Variants in POU6F2 observed in about 807,000 individuals in gnomAD.
The protein encoded by POU6F2 is POU domain, class 6, transcription factor 2.
POU6F2 carries 31 observed loss-of-function variants against 71.3 expected under a neutral mutation model. The observed-to-expected ratio is 0.43, with a 90% CI of 0.33 to 0.59. POU6F2 has a LOEUF of 0.59. Among genes scored for constraint, POU6F2 ranks in the 20% least tolerant of loss-of-function variants. The pLI, the probability that POU6F2 is intolerant of heterozygous loss-of-function variation, is 0.04. For missense variants in POU6F2, 783 were observed against 856.8 expected (o/e 0.91, Z 1.07); for synonymous variants, 347 against 355.7 (o/e 0.98, Z 0.27).
At chr7:39,316,421 G>A (rs1583519106) in intron 4 of POU6F2, among the ~76,000 whole-genome samples, 1 of 152,128 alleles carries the variant, frequency 6.6e-6, no homozygotes, top group Non-Finnish European at 1.5e-5. Context: ...GACAGTAAAG[G>A]GTTTGGACCT....
intron 2 of POU6F2, among the ~76,000 whole-genome samples, chr7:39,102,787 A>G (rs780065661): frequency 2.6e-5 from 4 of 152,212 alleles, no homozygotes; most frequent in East Asian, 3.8e-4. Context: ...GTAAATCTAG[A>G]TGGTGGAGCC....
intron 4 of POU6F2, among the ~76,000 whole-genome samples, chr7:39,260,580 A>ACATATAC (rs1784116970): frequency 6.6e-6 from 1 of 150,982 alleles, no homozygotes; most frequent in South Asian, 2.1e-4. Flanking sequence ...CACATTCCAC[A>ACATATAC]CACATACCAC....
At chr7:39,150,679 G>A (rs1048660159) in intron 2 of POU6F2, among the ~76,000 whole-genome samples, 1 of 151,628 alleles carries the variant, frequency 6.6e-6, no homozygotes, top group African/African-American at 2.4e-5. Context: ...TGTTGGCCAG[G>A]CTGGTCTCGA....
chr7:39,048,337 T>C (rs943369405), intron 1 of POU6F2, among the ~76,000 whole-genome samples: 3 of 101,368 alleles, frequency 3.0e-5, no homozygotes, highest in Non-Finnish European at 4.4e-5. Flanking sequence ...GATAGGTAGT[T>C]TTTTTTTTAT....
chr7:39,223,594 A>G (rs1794408872), intron 4 of POU6F2, among the ~76,000 whole-genome samples: 1 of 152,190 alleles, frequency 6.6e-6, no homozygotes, highest in South Asian at 2.1e-4. Flanking sequence ...GAGGACCTAA[A>G]CAATCATCCT....
At chr7:39,000,280 G>T (rs910102853) in intron 1 of POU6F2, among the ~76,000 whole-genome samples, 2 of 152,138 alleles carry the variant, frequency 1.3e-5, no homozygotes, top group Non-Finnish European at 2.9e-5. Context: ...ATATACTCTT[G>T]GGAAAATCCT....
intron 1 of POU6F2, among the ~76,000 whole-genome samples, chr7:39,060,163 G>A (rs1413569916): frequency 6.6e-6 from 1 of 151,858 alleles, no homozygotes; most frequent in South Asian, 2.1e-4. Context: ...AGCCAAGATT[G>A]TGCCACTGCA....
chr7:39,184,952 T>C (rs940779416), intron 2 of POU6F2, among the ~76,000 whole-genome samples: 1 of 152,176 alleles, frequency 6.6e-6, no homozygotes, highest in South Asian at 2.1e-4. Context: ...AAGTGAGTTA[T>C]TGATTTTATT....
chr7:39,101,138 A>G (rs1397182835), intron 2 of POU6F2, among the ~76,000 whole-genome samples: 1 of 149,910 alleles, frequency 6.7e-6, no homozygotes, highest in Non-Finnish European at 1.5e-5. Flanking sequence ...CAATGGCGCA[A>G]CCTTGGTTCA....
chr7:39,398,570 A>G (rs1282511839), intron 5 of POU6F2, among the ~76,000 whole-genome samples: 2 of 151,992 alleles, frequency 1.3e-5, no homozygotes, highest in East Asian at 3.9e-4. Context: ...TCTAAAAGAA[A>G]GGGAATGCTA....
At chr7:39,257,330 T>C (rs1046560687) in intron 4 of POU6F2, among the ~76,000 whole-genome samples, 13 of 152,348 alleles carry the variant, frequency 8.5e-5, no homozygotes, top group African/African-American at 3.1e-4. Flanking sequence ...TTAGTCATTG[T>C]AAAGCCTAGT....
At chr7:39,059,772 A>G (rs1325177814) in intron 1 of POU6F2, among the ~76,000 whole-genome samples, 1 of 152,250 alleles carries the variant, frequency 6.6e-6, no homozygotes, top group Non-Finnish European at 1.5e-5. Flanking sequence ...ACATGGAACT[A>G]ACCCAAATAC....
intron 2 of POU6F2, among the ~76,000 whole-genome samples, chr7:39,117,881 A>G (rs1167887273): frequency 6.6e-6 from 1 of 152,148 alleles, no homozygotes; most frequent in East Asian, 1.9e-4. Context: ...TTCCAGTCTC[A>G]GGGACACCCA....
At chr7:39,060,567 T>C (rs527762995) in intron 1 of POU6F2, among the ~76,000 whole-genome samples, 1 of 152,318 alleles carries the variant, frequency 6.6e-6, no homozygotes, top group South Asian at 2.1e-4. Flanking sequence ...CACCTATGTA[T>C]TGTCCGAGTA....
At chr7:39,208,704 G>A (rs1794074642) in intron 4 of POU6F2, among the ~76,000 whole-genome samples, 1 of 152,110 alleles carries the variant, frequency 6.6e-6, no homozygotes, top group African/African-American at 2.4e-5. Flanking sequence ...CCATTAAATT[G>A]TGCCAAGAAA....
chr7:39,036,114 A>G (rs1790058244), intron 1 of POU6F2, among the ~76,000 whole-genome samples: 1 of 152,126 alleles, frequency 6.6e-6, no homozygotes, highest in Non-Finnish European at 1.5e-5. Context: ...ATTTGCAAGG[A>G]GTACAGGCTG....
At chr7:38,981,966 C>T (rs1323899957) in intron 1 of POU6F2, among the ~76,000 whole-genome samples, 2 of 152,104 alleles carry the variant, frequency 1.3e-5, no homozygotes, top group African/African-American at 4.8e-5. Context: ...TTTGTTTATA[C>T]CATCCCTTGT....
chr7:39,260,861 C>T (rs571217254), intron 4 of POU6F2, among the ~76,000 whole-genome samples: 210 of 151,760 alleles, frequency 1.4e-3, no homozygotes, highest in African/African-American at 4.9e-3. Context: ...ATAGGTACCA[C>T]ACCACATACC....
At chr7:39,321,777 G>A (rs746006344) in intron 4 of POU6F2, among the ~76,000 whole-genome samples, 1 of 151,938 alleles carries the variant, frequency 6.6e-6, no homozygotes, top group Non-Finnish European at 1.5e-5. Context: ...AGATGCATTG[G>A]AAGGAAGGGA....
Sources: gnomAD v4.1 joint callset for allele counts (sites outside exome capture counted in the v4.1 genomes callset) on GRCh38, gnomAD v4.1.1 for gene constraint, MANE v1.5 for transcripts, NCBI Gene and HGNC (gene_info 2026-07-23, HGNC 2026-07-21) for gene names.